NSMAF: variants seen among roughly 807,000 people sequenced by gnomAD.
The protein encoded by NSMAF is neutral sphingomyelinase activation associated factor.
NSMAF carries 90 observed loss-of-function variants against 134.9 expected under a neutral mutation model. The observed-to-expected ratio is 0.67, with a 90% CI of 0.56 to 0.79. The LOEUF (loss-of-function observed/expected upper bound fraction) is 0.79, where lower values mean the gene tolerates loss of function less well. Ranked by LOEUF, NSMAF falls within the 30% of genes least tolerant of loss-of-function variation. The pLI is 0.00. For missense variants in NSMAF, 1,010 were observed against 1,119.0 expected (o/e 0.90, Z 1.39); for synonymous variants, 358 against 389.6 (o/e 0.92, Z 0.96).
At chr8:58,640,052 T>C (rs1170799909) in intron 2 of NSMAF, 1 of 455,354 alleles carries the variant, frequency 2.2e-6, no homozygotes. Flanking sequence ...GTGGAAGAAA[T>C]GGGGAGATGC....
intron 23 of NSMAF, among the ~76,000 whole-genome samples, chr8:58,592,678 A>G (rs1585726921): frequency 1.3e-5 from 2 of 152,230 alleles, no homozygotes; most frequent in East Asian, 3.8e-4. Flanking sequence ...ACCTGAGGTC[A>G]GGAGTTCAAG....
chr8:58,621,670 G>C (rs536283441), intron 9 of NSMAF, among the ~76,000 whole-genome samples: 3 of 152,126 alleles, frequency 2.0e-5, no homozygotes, highest in Non-Finnish European at 4.4e-5. Context: ...TAAAATAATA[G>C]CCATTCTAAC....
rs777565670 is a variant in NSMAF at position 58,601,544 on chromosome 8, C to T, written c.1126-9G>A. On this transcript the variant is annotated splice_polypyrimidine_tract_variant and intron_variant, in intron 14 of 30. Coordinates refer to ENST00000038176, the MANE Select transcript of NSMAF (RefSeq NM_003580.4). ...ATTTCCTGGTAGCGTGTCTAGAATA[C>T]AGAAAAAAAAAAAAAATAGAGCTAA... is the stretch of plus-strand genomic sequence containing the variant. 16 of 912,242 alleles carry T rather than the reference C, an allele frequency of 1.8e-5. No individual in the cohort carries two copies. In the South Asian group the frequency reaches 3.5e-4, roughly 20 times the overall value. 56.5% of individuals were successfully genotyped at this position (912,242 alleles called of 1,614,324 possible).
At position 58,609,490 on chromosome 8, in the gene NSMAF, G is replaced by A. The variant is rs1003824399; in HGVS notation, c.687+114C>T. On this transcript the variant is annotated intron_variant, in intron 10 of 30. Transcript: ENST00000038176. ...CAGATGCTGCCTGTGAAGGGGGTGG[G>A]CAGGGACATGACTTGATCCTCATCA... 6 of 981,556 alleles carry A rather than the reference G, an allele frequency of 6.1e-6. No individual in the cohort carries two copies. In the African/African-American group the frequency reaches 8.0e-5, roughly 13 times the overall value. 60.8% of individuals were successfully genotyped at this position (981,556 alleles called of 1,614,324 possible).
chr8:58,612,641 G>C lies in NSMAF; in HGVS notation c.558-2908C>G, dbSNP rs527676853. 6.0e-4 allele frequency among the ~76,000 whole-genome samples: 91 copies of C among 151,890 alleles called. 1 individual carries two copies. In the South Asian group the frequency reaches 0.016, roughly 27 times the overall value. ...GATTTGTGATTGGCATCGGAGGTGA[G>C]GGGGGCAGCCTTGTTGGACTGAGCT... On this transcript the variant is annotated intron_variant, in intron 9 of 30. Coordinates refer to ENST00000038176, the MANE Select transcript of NSMAF (RefSeq NM_003580.4).
At chr8:58,636,895 C>A (rs1318102389) in intron 2 of NSMAF, among the ~76,000 whole-genome samples, 4 of 152,090 alleles carry the variant, frequency 2.6e-5, no homozygotes, top group Non-Finnish European at 5.9e-5. Context: ...AATTTGGCTA[C>A]CCTGAAGTAC....
At position 58,597,390 on chromosome 8, in the gene NSMAF, G is replaced by A. The variant is rs1187357337; in HGVS notation, c.1789C>T (p.Pro597Ser). The change falls in exon 21 of 31, where the codon CCA (proline) becomes TCA (serine). Residue 597 changes from proline (P) to serine (S), a missense_variant. Pro to Ser is a moderately conservative substitution (Grantham distance 74). Coordinates refer to ENST00000038176, the MANE Select transcript of NSMAF (RefSeq NM_003580.4). ...TTATTCTCTTTACAAAATTTACCTGGGGAATCTGCCATAGAAGCATTATAA... is the reference window on the plus strand; with the variant it reads ...TTATTCTCTTTACAAAATTTACCTGAGGAATCTGCCATAGAAGCATTATAA... ...SSYNASMADSPGEESFEDLTE... is the reference protein window; with the variant it reads ...SSYNASMADSSGEESFEDLTE... 6.2e-7 allele frequency: 1 copy of A among 1,612,818 alleles called. No individual in the cohort carries two copies. The highest frequency in any genetic ancestry group is 1.7e-5 in the Admixed American group (1 of 59,716).
chr8:58,614,058 C>T (rs1374970357), intron 9 of NSMAF, among the ~76,000 whole-genome samples: 3 of 152,148 alleles, frequency 2.0e-5, no homozygotes, highest in African/African-American at 7.2e-5. Context: ...GTCAGCTGTA[C>T]CATTCAGGTT....
chr8:58,599,134 T>A, intron 19 of NSMAF, 98 bp downstream of exon 19: 1 of 1,259,032 alleles, frequency 7.9e-7, no homozygotes, highest in Non-Finnish European at 1.1e-6. Context: ...TTTGGCCTCA[T>A]TTTTTTGTTG....
intron 14 of NSMAF, among the ~76,000 whole-genome samples, chr8:58,601,774 T>C (rs951433861): frequency 1.3e-5 from 2 of 152,196 alleles, no homozygotes; most frequent in Non-Finnish European, 2.9e-5. Flanking sequence ...CTAGATTAAA[T>C]AGAACTGATT....
At chr8:58,631,156 T>C (rs1184917650) in intron 6 of NSMAF, among the ~76,000 whole-genome samples, 1 of 152,130 alleles carries the variant, frequency 6.6e-6, no homozygotes, top group Non-Finnish European at 1.5e-5. Context: ...TTCTAGAATA[T>C]TTTTAAAACT....
intron 23 of NSMAF, 91 bp from the exon 24 acceptor site, chr8:58,591,025 C>T: frequency 7.2e-7 from 1 of 1,397,762 alleles, no homozygotes. Context: ...TCCTGGTGGC[C>T]AACAGTACAC....
At chr8:58,628,293 A>G (rs1806981975) in intron 6 of NSMAF, among the ~76,000 whole-genome samples, 1 of 152,214 alleles carries the variant, frequency 6.6e-6, no homozygotes, top group Non-Finnish European at 1.5e-5. Context: ...CTACATGATA[A>G]TATTGGAAAA....
chr8:58,615,520 C>T (rs138626790), intron 9 of NSMAF, among the ~76,000 whole-genome samples: 5 of 152,092 alleles, frequency 3.3e-5, no homozygotes, highest in African/African-American at 1.2e-4. Flanking sequence ...TAAATCAGTA[C>T]CTATAAAATA....
Position 58,594,217 on chromosome 8 carries a change from G to A in NSMAF, c.1951+15C>T. 2 of 1,613,224 alleles carry A rather than the reference G, an allele frequency of 1.2e-6. No individual in the cohort carries two copies. Among genetic ancestry groups the A allele is most frequent in the Middle Eastern group, 1.6e-4 (1 of 6,062 alleles). ...AGGATTTTGGTTAAGCCGCCTTTCG[G>A]GGAGGAACACTGACCTTGGGATGTT... On this transcript the variant is annotated intron_variant, in intron 23 of 30. Transcript: ENST00000038176.
chr8:58,638,577 T>C (rs543305083), intron 2 of NSMAF, among the ~76,000 whole-genome samples: 1 of 151,436 alleles, frequency 6.6e-6, no homozygotes, highest in Admixed American at 6.6e-5. Flanking sequence ...GATATCCCCG[T>C]GGAAAAAAAA....
At chr8:58,658,246 A>C (rs913070395) in intron 1 of NSMAF, among the ~76,000 whole-genome samples, 3 of 152,224 alleles carry the variant, frequency 2.0e-5, no homozygotes, top group African/African-American at 7.2e-5. Context: ...AATGCATTAC[A>C]AATTCAGTCA....
At position 58,584,101 on chromosome 8, in the gene NSMAF, G is replaced by A. The variant is rs771489133; in HGVS notation, c.*5C>T. ...CAATTTAATATTCAGGAGAGGAAAA[G>A]GCACTTAATACTGCAATTTCCAGAA... is the stretch of plus-strand genomic sequence containing the variant. On this transcript the variant is annotated 3_prime_UTR_variant, in exon 31 of 31. Transcript: ENST00000038176. 3.9e-5 allele frequency: 62 copies of A among 1,599,910 alleles called. No individual in the cohort carries two copies. The Admixed American group carries it at 9.5e-4, about 25-fold the overall frequency.
chr8:58,588,741 A>G lies in NSMAF; in HGVS notation c.2211+711T>C, dbSNP rs561887342. ...GGCCGCGGCCCTTTTTGGCACGACC[A>G]TTGTTCCTTCTTTTCTTTGTCATCT... On this transcript the variant is annotated intron_variant, in intron 26 of 30. Coordinates refer to ENST00000038176, the MANE Select transcript of NSMAF (RefSeq NM_003580.4). 2.8e-5 allele frequency: 40 copies of G among 1,429,154 alleles called. No individual in the cohort carries two copies. The South Asian group carries it at 4.0e-4, about 14-fold the overall frequency. 88.5% of individuals were successfully genotyped at this position (1,429,154 alleles called of 1,614,324 possible).
Sources: allele counts gnomAD v4.1 joint callset (sites outside exome capture counted in the v4.1 genomes callset), GRCh38; gene constraint gnomAD v4.1.1; transcripts MANE v1.5; gene names NCBI Gene and HGNC (gene_info 2026-07-23, HGNC 2026-07-21).